CTNNA3: variants seen among roughly 807,000 people sequenced by gnomAD.
CTNNA3 encodes the protein catenin alpha 3, also known as catenin alpha-3.
A neutral mutation model predicts 95.7 loss-of-function variants in CTNNA3; 76 were observed. The ratio of observed to expected loss-of-function variants is 0.79; its 90% CI spans 0.66 to 0.96. The LOEUF (loss-of-function observed/expected upper bound fraction) is 0.96, where lower values mean the gene tolerates loss of function less well. CTNNA3 is among the 40% of genes least tolerant of loss of function. CTNNA3 has a pLI of 0.00. For missense variants in CTNNA3, 1,191 were observed against 1,089.8 expected (o/e 1.09, Z -1.31); for synonymous variants, 431 against 374.4 (o/e 1.15, Z -1.74).
chr10:67,535,307 T>A (rs901289154), intron 4 of CTNNA3, among the ~76,000 whole-genome samples: 6 of 152,244 alleles, frequency 3.9e-5, no homozygotes, highest in African/African-American at 9.6e-5. Flanking sequence ...CTGTTTTCCA[T>A]GTCATTAAAC....
intron 15 of CTNNA3, among the ~76,000 whole-genome samples, chr10:66,024,029 G>C (rs2079280057): frequency 6.7e-6 from 1 of 149,622 alleles, no homozygotes; most frequent in South Asian, 2.1e-4. Context: ...ATTTGGTTTA[G>C]TGTGAGTCAA....
intron 7 of CTNNA3, among the ~76,000 whole-genome samples, chr10:66,788,946 A>C (rs951663380): frequency 6.6e-6 from 1 of 152,196 alleles, no homozygotes; most frequent in African/African-American, 2.4e-5. Context: ...ATCCATAATA[A>C]TTGCAGATTG....
chr10:67,726,314 TA>T (rs1348009466), intron 1 of CTNNA3, among the ~76,000 whole-genome samples: 2 of 59,572 alleles, frequency 3.4e-5, no homozygotes, highest in African/African-American at 1.6e-4. Context: ...TCTTACATAT[TA>T]TATATATTAT....
At chr10:66,343,093 T>C (rs564107713) in intron 12 of CTNNA3, among the ~76,000 whole-genome samples, 1 of 152,080 alleles carries the variant, frequency 6.6e-6, no homozygotes, top group South Asian at 2.1e-4. Flanking sequence ...GCCCTCTCAA[T>C]GTGGAGAAAA....
intron 13 of CTNNA3, among the ~76,000 whole-genome samples, chr10:66,238,247 G>C (rs947364820): frequency 6.6e-6 from 1 of 151,924 alleles, no homozygotes; most frequent in Admixed American, 6.6e-5. Flanking sequence ...GGTACATCAG[G>C]TTATAAATAT....
chr10:67,258,547 T>C (rs1180312616), intron 5 of CTNNA3, among the ~76,000 whole-genome samples: 1 of 152,192 alleles, frequency 6.6e-6, no homozygotes, highest in Non-Finnish European at 1.5e-5. Context: ...TCATGGCACT[T>C]TGTTTAGCCG....
chr10:67,215,928 T>G (rs527851021), intron 6 of CTNNA3, among the ~76,000 whole-genome samples: 3 of 152,304 alleles, frequency 2.0e-5, no homozygotes, highest in East Asian at 3.9e-4. Flanking sequence ...TAGTTTGGAT[T>G]TTGTGCTTTT....
intron 12 of CTNNA3, among the ~76,000 whole-genome samples, chr10:66,284,321 T>A (rs895636355): frequency 2.0e-5 from 3 of 151,930 alleles, no homozygotes; most frequent in African/African-American, 4.8e-5. Context: ...CAGGAACTAT[T>A]ACTATCCTGA....
intron 9 of CTNNA3, among the ~76,000 whole-genome samples, chr10:66,646,919 T>C (rs1845725244): frequency 6.6e-6 from 1 of 151,968 alleles, no homozygotes; most frequent in Admixed American, 6.6e-5. Flanking sequence ...TTCCAAAAAC[T>C]TCAGAGAAAA....
At chr10:66,294,981 T>C (rs1303148314) in intron 12 of CTNNA3, among the ~76,000 whole-genome samples, 1 of 152,116 alleles carries the variant, frequency 6.6e-6, no homozygotes, top group African/African-American at 2.4e-5. Flanking sequence ...TCATGCTTGA[T>C]ATTAGGCTAA....
At chr10:67,028,502 G>T (rs1162907061) in intron 7 of CTNNA3, among the ~76,000 whole-genome samples, 4 of 151,864 alleles carry the variant, frequency 2.6e-5, no homozygotes, top group Non-Finnish European at 5.9e-5. Context: ...GGCAAACTAG[G>T]AAGTAAAGAC....
chr10:66,810,294 C>T (rs1391967635), intron 7 of CTNNA3, among the ~76,000 whole-genome samples: 1 of 152,076 alleles, frequency 6.6e-6, no homozygotes, highest in Non-Finnish European at 1.5e-5. Flanking sequence ...TCTGGCTTAG[C>T]AGTAGTTCTG....
At chr10:67,450,045 A>G (rs1465276403) in intron 5 of CTNNA3, among the ~76,000 whole-genome samples, 2 of 152,216 alleles carry the variant, frequency 1.3e-5, no homozygotes, top group South Asian at 2.1e-4. Context: ...ATATGAAAAA[A>G]AGCTCAATAT....
chr10:66,748,094 G>A lies in CTNNA3; in HGVS notation c.1281+18170C>T, dbSNP rs775175662. Among the ~76,000 whole-genome samples the A allele has an allele frequency of 2.6e-5, 4 of 152,004 alleles. No individual in the cohort carries two copies. In the South Asian group the frequency reaches 8.3e-4, roughly 31 times the overall value. On this transcript the variant is annotated intron_variant, in intron 9 of 17. Coordinates refer to ENST00000433211, the MANE Select transcript of CTNNA3 (RefSeq NM_013266.4). ...AGAGCTCATCGACTCTGGCATCAAA[G>A]GTATCAGCACCATCTCATGCCAAAC...
chr10:66,738,933 T>C (rs1482892194), intron 9 of CTNNA3, among the ~76,000 whole-genome samples: 3 of 152,216 alleles, frequency 2.0e-5, no homozygotes, highest in Admixed American at 6.5e-5. Context: ...CCAACCCTTT[T>C]CACCTCTAAA....
At chr10:66,943,956 G>A (rs901720690) in intron 7 of CTNNA3, among the ~76,000 whole-genome samples, 15 of 152,144 alleles carry the variant, frequency 9.9e-5, no homozygotes, top group African/African-American at 3.4e-4. Context: ...CTTTTTGCTG[G>A]TGTAGGGTCT....
At chr10:67,695,944 G>A (rs192738866) in intron 1 of CTNNA3, 56 bp downstream of exon 1, 1 of 152,284 alleles carries the variant, frequency 6.6e-6, no homozygotes, top group Admixed American at 6.5e-5. Context: ...GGAATTCAAT[G>A]CAGAAATGAG....
chr10:67,166,873 G>A (rs940483132), intron 7 of CTNNA3, among the ~76,000 whole-genome samples: 9 of 152,164 alleles, frequency 5.9e-5, no homozygotes, highest in South Asian at 4.1e-4. Context: ...CTGGGAGGCC[G>A]AGGCAGGTGG....
At chr10:66,453,284 G>T (rs118031822) in intron 11 of CTNNA3, among the ~76,000 whole-genome samples, 2 of 151,740 alleles carry the variant, frequency 1.3e-5, no homozygotes, top group South Asian at 4.2e-4. Context: ...ATAAAACTCT[G>T]GTCTCTTGTT....
Sources: allele counts gnomAD v4.1 joint callset (sites outside exome capture counted in the v4.1 genomes callset), GRCh38; gene constraint gnomAD v4.1.1; transcripts MANE v1.5; gene names NCBI Gene and HGNC (gene_info 2026-07-23, HGNC 2026-07-21).